The following THUMPD2 variants were observed in gnomAD, a reference collection of about 807,000 sequenced individuals.
The protein encoded by THUMPD2 is U6 snRNA (guanine-N(2))-methyltransferase THUMPD2.
Under a neutral mutation model 49.4 loss-of-function variants are expected in THUMPD2, and 56 were observed. The ratio of observed to expected loss-of-function variants is 1.13; its 90% confidence interval spans 0.91 to 1.41. The LOEUF is 1.41. Ranked by LOEUF, THUMPD2 falls within the 40% of genes most tolerant of loss-of-function variation. The probability of loss-of-function intolerance (pLI) is 0.00; values close to 1 mark genes in which losing one functional copy is unlikely to be tolerated. For synonymous variants in THUMPD2, 237 were observed against 205.2 expected (o/e 1.15, Z -1.32); for missense variants, 709 against 594.5 (o/e 1.19, Z -2.00).
chr2:39,773,583 AATAT>A (rs972290867), intron 1 of THUMPD2, among the ~76,000 whole-genome samples: 1 of 134,042 alleles, frequency 7.5e-6, no homozygotes, highest in African/African-American at 3.2e-5. Flanking sequence ...ATATTTTAAA[AATAT>A]ATATATATTT....
chr2:39,774,775 C>CA (rs745938824), intron 1 of THUMPD2, among the ~76,000 whole-genome samples: 3 of 151,940 alleles, frequency 2.0e-5, no homozygotes, highest in Non-Finnish European at 2.9e-5. Flanking sequence ...TGTTTCTTAC[C>CA]TGAAAATTTA....
At chr2:39,757,478 A>C in intron 6 of THUMPD2, 3 of 1,182,766 alleles carry the variant, frequency 2.5e-6, no homozygotes, top group Non-Finnish European at 3.3e-6. Flanking sequence ...AAGGAGCAGA[A>C]GGAAAAATTT....
At chr2:39,740,935 T>C (rs1236732787) in intron 9 of THUMPD2, among the ~76,000 whole-genome samples, 1 of 152,116 alleles carries the variant, frequency 6.6e-6, no homozygotes, top group African/African-American at 2.4e-5. Context: ...TAGTCTTGAA[T>C]TCCTGGCCTC....
Position 39,745,262 on chromosome 2 carries a change from C to T in THUMPD2, c.1079-784G>A, listed in dbSNP as rs578034544. 2.0e-5 allele frequency among the ~76,000 whole-genome samples: 3 copies of T among 152,236 alleles called. No individual in the cohort carries two copies. The East Asian group carries it at 5.8e-4, about 29-fold the overall frequency. On this transcript the variant is annotated intron_variant, in intron 8 of 9. Coordinates refer to ENST00000505747, the MANE Select transcript of THUMPD2 (RefSeq NM_025264.5). ...TGTAATGAAATTTAAATAATCTTCA[C>T]TAAATATCAAAAGTTTCTGTTGGTA...
Position 39,737,066 on chromosome 2 carries a change from C to T in THUMPD2, c.1188-7G>A. The T allele has an allele frequency of 7.3e-7, 1 of 1,368,472 alleles. No individual in the cohort carries two copies. Among genetic ancestry groups the T allele is most frequent in the South Asian group, 1.5e-5 (1 of 68,724 alleles). 84.8% of individuals were successfully genotyped at this position (1,368,472 alleles called of 1,614,324 possible). On this transcript the variant is annotated splice_region_variant and splice_polypyrimidine_tract_variant and intron_variant, in intron 9 of 9. Transcript: ENST00000505747. ...TCCGCCAACATGAAGCACTCTGTGA[C>T]AAAAAAAAAATGGTAATTGCTATCT...
At chr2:39,763,528 A>C (rs1452371622) in intron 5 of THUMPD2, among the ~76,000 whole-genome samples, 1 of 152,174 alleles carries the variant, frequency 6.6e-6, no homozygotes, top group Non-Finnish European at 1.5e-5. Context: ...TTTGTATCTC[A>C]GTGACTAATA....
chr2:39,763,171 AT>A lies in THUMPD2; in HGVS notation c.804-1754del, dbSNP rs371670095. ...TTGATCCTCTTCTCTGCATGTGTGC[AT>A]TTTTTTTTCTCTTGTACACCTTGTA... On this transcript the variant is annotated intron_variant, in intron 5 of 9. Coordinates refer to ENST00000505747, the MANE Select transcript of THUMPD2 (RefSeq NM_025264.5). 4.0e-3 allele frequency among the ~76,000 whole-genome samples: 612 copies of A among 151,320 alleles called. 3 individuals carry two copies. The highest frequency in any genetic ancestry group is 0.013 in the African/African-American group (533 of 41,284).
chr2:39,751,566 C>G (rs1184158052), intron 8 of THUMPD2, among the ~76,000 whole-genome samples: 1 of 151,800 alleles, frequency 6.6e-6, no homozygotes, highest in Non-Finnish European at 1.5e-5. Flanking sequence ...TTAAAAAAGC[C>G]TAACTAATGA....
intron 5 of THUMPD2, among the ~76,000 whole-genome samples, chr2:39,763,007 C>G (rs1394234611): frequency 2.0e-5 from 3 of 151,892 alleles, no homozygotes; most frequent in African/African-American, 7.3e-5. Context: ...ATTACTTCAA[C>G]AAAAGGGCCC....
chr2:39,744,491 A>T lies in THUMPD2; in HGVS notation c.1079-13T>A, dbSNP rs550446469. 7.3e-6 allele frequency: 11 copies of T among 1,498,480 alleles called. No homozygotes were observed. The highest frequency in any genetic ancestry group is 1.0e-5 in the Non-Finnish European group (11 of 1,102,678). The allele number at this position is 1,498,480 out of a possible 1,614,324, so 92.8% of individuals were successfully genotyped here. The stretch of plus-strand genomic sequence containing the variant: ...GGCAATGGCAATTCTGAAATATAGA[A>T]ATCAGAGAATCCTATTACAGTAGGG... On this transcript the variant is annotated splice_polypyrimidine_tract_variant and intron_variant, in intron 8 of 9. Transcript: ENST00000505747.
rs1378629762 is a variant in THUMPD2, at chr2:39,779,094, G to C, written c.126+20C>G. On this transcript the variant is annotated intron_variant, in intron 1 of 9. Transcript: ENST00000505747. The stretch of plus-strand genomic sequence containing the variant: ...GACAGGGCCGCCCACCTCCCCAGGC[G>C]CGCAGCGAGGCCAACTCACCTGCGT... The C allele has an allele frequency of 1.3e-6, 2 of 1,497,548 alleles. No homozygotes were observed. The highest frequency in any genetic ancestry group is 2.2e-5 in the Admixed American group (1 of 46,138). The allele number at this position is 1,497,548 out of a possible 1,614,324, so 92.8% of individuals were successfully genotyped here. A position where few individuals can be genotyped will look rare whatever the true frequency, so the allele number is the denominator to read the frequency against.
chr2:39,751,728 A>C (rs1303794322), intron 8 of THUMPD2, among the ~76,000 whole-genome samples: 1 of 126,168 alleles, frequency 7.9e-6, no homozygotes, highest in Non-Finnish European at 1.5e-5. Flanking sequence ...CATGTCACCT[A>C]GGCTGAAGTG....
chr2:39,738,399 C>G (rs1673431035), intron 9 of THUMPD2, among the ~76,000 whole-genome samples: 1 of 151,358 alleles, frequency 6.6e-6, no homozygotes, highest in Non-Finnish European at 1.5e-5. Flanking sequence ...ATGTCTCTAC[C>G]AAAAAAATAC....
chr2:39,766,064 C>A lies in THUMPD2; in HGVS notation c.796G>T (p.Val266Leu). The change falls in exon 5 of 10, where the codon GTG becomes TTG. Residue 266 changes from valine to leucine, a missense_variant. Physicochemically the swap from Val to Leu is conservative, Grantham distance 32. Transcript: ENST00000505747. ...GAAGCTTAGAATATCTACCTGAACA[C>A]AGGAATCCCCACCACAGAGTAAATG... ...NDIYSVVGIP[V>L]FRVSLASRAY... The A allele has an allele frequency of 6.3e-7, 1 of 1,583,788 alleles. No individual in the cohort carries two copies. The highest frequency in any genetic ancestry group is 8.6e-7 in the Non-Finnish European group (1 of 1,169,354).
intron 9 of THUMPD2, among the ~76,000 whole-genome samples, chr2:39,743,278 C>G (rs1284551002): frequency 2.0e-5 from 3 of 152,172 alleles, no homozygotes; most frequent in African/African-American, 7.2e-5. Flanking sequence ...CATGTCCATT[C>G]ATAACTGTAT....
intron 9 of THUMPD2, among the ~76,000 whole-genome samples, chr2:39,741,938 T>TA (rs1227277301): frequency 2.0e-5 from 3 of 152,052 alleles, no homozygotes; most frequent in African/African-American, 7.2e-5. Flanking sequence ...TGGTATACAC[T>TA]AAAAAATCAG....
intron 1 of THUMPD2, 73 bp from the exon 2 acceptor site, chr2:39,771,713 A>G: frequency 7.0e-7 from 1 of 1,426,790 alleles, no homozygotes; most frequent in Non-Finnish European, 9.5e-7. Flanking sequence ...CTCAAGATAT[A>G]GCATCTAAAT....
chr2:39,759,042 T>C (rs1478943904), intron 6 of THUMPD2, among the ~76,000 whole-genome samples: 2 of 152,084 alleles, frequency 1.3e-5, no homozygotes, highest in Non-Finnish European at 2.9e-5. Context: ...ATTTGGAAGA[T>C]AATGTTCAAG....
chr2:39,769,055 T>G, intron 3 of THUMPD2: 2 of 1,304,586 alleles, frequency 1.5e-6, no homozygotes, highest in Non-Finnish European at 2.0e-6. Context: ...TCATGTGCAT[T>G]TGCAGTCTAG....
Sources: gnomAD v4.1 joint callset for allele counts (sites outside exome capture counted in the v4.1 genomes callset) on GRCh38, gnomAD v4.1.1 for gene constraint, MANE v1.5 for transcripts, NCBI Gene and HGNC (gene_info 2026-07-23, HGNC 2026-07-21) for gene names.